The following CLSTN2 variants were observed in gnomAD, a reference collection of about 807,000 sequenced individuals.
CLSTN2 encodes the protein calsyntenin-2.
Under a neutral mutation model 101.2 loss-of-function variants are expected in CLSTN2, and 48 were observed. The ratio of observed to expected loss-of-function variants is 0.47; its 90% CI spans 0.38 to 0.60. The LOEUF (loss-of-function observed/expected upper bound fraction) is 0.60, where lower values mean the gene tolerates loss of function less well. Among genes scored for constraint, CLSTN2 ranks in the 20% least tolerant of loss-of-function variants. CLSTN2 has a pLI of 0.00. For synonymous variants in CLSTN2, 481 were observed against 463.6 expected, an observed-to-expected ratio of 1.04 and a Z score of -0.48; for missense variants, 1,160 against 1,238.2, an observed-to-expected ratio of 0.94 and a Z score of 0.95.
intron 1 of CLSTN2, among the ~76,000 whole-genome samples, chr3:140,097,534 C>T (rs761250241): frequency 6.6e-6 from 1 of 152,154 alleles, no homozygotes; most frequent in Non-Finnish European, 1.5e-5. Flanking sequence ...TAATATGAAA[C>T]ATTAGGTAAA....
chr3:140,374,438 T>C (rs141189194), intron 2 of CLSTN2, among the ~76,000 whole-genome samples: 259 of 152,360 alleles, frequency 1.7e-3, no homozygotes, highest in Non-Finnish European at 2.7e-3. Flanking sequence ...TATGTCTGTT[T>C]ACTATTTCAT....
At chr3:139,963,255 C>T (rs1431945543) in intron 1 of CLSTN2, among the ~76,000 whole-genome samples, 2 of 152,096 alleles carry the variant, frequency 1.3e-5, no homozygotes, top group Non-Finnish European at 2.9e-5. Context: ...CCTCCAGACC[C>T]CTCCCTGTTT....
chr3:140,043,706 G>T (rs1420060635), intron 1 of CLSTN2, among the ~76,000 whole-genome samples: 2 of 152,132 alleles, frequency 1.3e-5, no homozygotes, highest in East Asian at 3.8e-4. Flanking sequence ...TTTATATAAG[G>T]TGTAAGGAAG....
chr3:140,042,386 T>C (rs1044319035), intron 1 of CLSTN2, among the ~76,000 whole-genome samples: 2 of 152,220 alleles, frequency 1.3e-5, no homozygotes, highest in Admixed American at 6.5e-5. Flanking sequence ...AGGTTTACCA[T>C]ATTGTGGTGT....
At chr3:140,087,531 A>G (rs920101862) in intron 1 of CLSTN2, among the ~76,000 whole-genome samples, 4 of 152,280 alleles carry the variant, frequency 2.6e-5, no homozygotes, top group Admixed American at 2.6e-4. Context: ...TCATCTGTCC[A>G]CTGATCCTTC....
intron 1 of CLSTN2, among the ~76,000 whole-genome samples, chr3:140,123,664 G>A (rs1348030096): frequency 1.3e-5 from 2 of 152,062 alleles, no homozygotes; most frequent in Non-Finnish European, 2.9e-5. Flanking sequence ...AATTTTGGAG[G>A]CTGAAAGTCC....
At chr3:140,456,869 G>A (rs1235366450) in intron 6 of CLSTN2, among the ~76,000 whole-genome samples, 1 of 152,042 alleles carries the variant, frequency 6.6e-6, no homozygotes, top group African/African-American at 2.4e-5. Context: ...ACCCTGACCA[G>A]CACTGGGTTA....
intron 1 of CLSTN2, among the ~76,000 whole-genome samples, chr3:140,124,277 CA>C (rs1358104577): frequency 2.0e-5 from 3 of 152,002 alleles, no homozygotes; most frequent in African/African-American, 4.8e-5. Context: ...AAGCAGGGCC[CA>C]GATCAAAGAA....
intron 1 of CLSTN2, among the ~76,000 whole-genome samples, chr3:140,076,319 T>A (rs1373698269): frequency 6.6e-6 from 1 of 152,354 alleles, no homozygotes; most frequent in East Asian, 1.9e-4. Context: ...TGATGGACTC[T>A]TAGGCTGTTT....
chr3:140,239,859 A>G (rs2086444729), intron 2 of CLSTN2, among the ~76,000 whole-genome samples: 1 of 151,968 alleles, frequency 6.6e-6, no homozygotes. Context: ...TTATGTATGT[A>G]TGTATATATA....
intron 5 of CLSTN2, among the ~76,000 whole-genome samples, chr3:140,436,260 T>A (rs1017974668): frequency 6.6e-6 from 1 of 152,260 alleles, no homozygotes; most frequent in Admixed American, 6.5e-5. Context: ...TTGATTTTTG[T>A]ATGTGGTGAG....
chr3:140,327,162 GC>G (rs2087340120), intron 2 of CLSTN2, among the ~76,000 whole-genome samples: 1 of 152,114 alleles, frequency 6.6e-6, no homozygotes, highest in Non-Finnish European at 1.5e-5. Context: ...ATACACATGC[GC>G]TGAATGAGCC....
chr3:140,552,279 C>A (rs1342223771), intron 10 of CLSTN2, among the ~76,000 whole-genome samples: 2 of 152,176 alleles, frequency 1.3e-5, no homozygotes, highest in African/African-American at 2.4e-5. Context: ...GGCGAGTGAG[C>A]AATGCCACCC....
At chr3:140,192,038 C>T (rs996940095) in intron 2 of CLSTN2, among the ~76,000 whole-genome samples, 2 of 151,832 alleles carry the variant, frequency 1.3e-5, no homozygotes, top group African/African-American at 4.8e-5. Context: ...TGTTTGTATT[C>T]AGTTATATGT....
Position 139,999,962 on chromosome 3 carries a change from A to C in CLSTN2, c.109+64479A>C, listed in dbSNP as rs1421907686. ...GGCGTGAAACCTTGTCTCAAAAAAA[A>C]AAAAAAATTACATGTATAGAACAGT... On this transcript the variant is annotated intron_variant, in intron 1 of 16. Coordinates refer to ENST00000458420, the MANE Select transcript of CLSTN2 (RefSeq NM_022131.3). Among the ~76,000 whole-genome samples, 4 of 152,104 alleles carry C rather than the reference A, an allele frequency of 2.6e-5. No individual in the cohort carries two copies. The East Asian group carries it at 7.8e-4, about 30-fold the overall frequency.
intron 2 of CLSTN2, among the ~76,000 whole-genome samples, chr3:140,198,659 T>C (rs995346033): frequency 1.8e-4 from 28 of 152,172 alleles, no homozygotes; most frequent in African/African-American, 6.8e-4. Flanking sequence ...GTCAGCAAAC[T>C]TTTTCGTAGT....
At chr3:140,142,522 A>G (rs2882370) in intron 1 of CLSTN2, among the ~76,000 whole-genome samples, 135,116 of 152,254 alleles carry the variant, frequency 0.89, 60,160 homozygotes, top group African/African-American at 0.95. Flanking sequence ...CAGGTGCCAG[A>G]ACACTCTTGG....
intron 2 of CLSTN2, among the ~76,000 whole-genome samples, chr3:140,182,150 C>A (rs1258028039): frequency 6.6e-6 from 1 of 152,104 alleles, no homozygotes; most frequent in Non-Finnish European, 1.5e-5. Flanking sequence ...TATCACCAAG[C>A]CTTCAGTAAG....
At chr3:139,950,712 A>G (rs1935281821) in intron 1 of CLSTN2, among the ~76,000 whole-genome samples, 1 of 152,248 alleles carries the variant, frequency 6.6e-6, no homozygotes, top group Admixed American at 6.5e-5. Flanking sequence ...TATATAATTT[A>G]ACAAATCAAT....
Sources: gnomAD v4.1 joint callset for allele counts (sites outside exome capture counted in the v4.1 genomes callset) on GRCh38, gnomAD v4.1.1 for gene constraint, MANE v1.5 for transcripts, NCBI Gene and HGNC (gene_info 2026-07-23, HGNC 2026-07-21) for gene names.